Variants in SLC6A20 observed in about 807,000 individuals in gnomAD.
SLC6A20 encodes the protein sodium- and chloride-dependent transporter XTRP3.
A neutral mutation model predicts 64.3 loss-of-function variants in SLC6A20; 73 were observed. The observed-to-expected ratio is 1.14, with a 90% confidence interval of 0.94 to 1.38. SLC6A20 has a LOEUF of 1.38. SLC6A20 is among the 40% of genes most tolerant of loss of function. The probability of loss-of-function intolerance (pLI) is 0.00; values close to 1 mark genes in which losing one functional copy is unlikely to be tolerated. For missense variants in SLC6A20, 725 were observed against 772.8 expected, an observed-to-expected ratio of 0.94 and a Z score of 0.73; for synonymous variants, 347 against 329.6, an observed-to-expected ratio of 1.05 and a Z score of -0.57.
chr3:45,771,444 G>C lies in SLC6A20; in HGVS notation c.708C>G (p.Ala236=). The part of the protein sequence containing the change: ...YMFTPKIEQL[A]NPKAWINAAT... ...CTGCATTGATCCAGGCCTTGGGGTT[G>C]GCCAGCTGCTCTATCTGGAAGGCCA... Residue 236 remains alanine (A), a synonymous_variant, in exon 6 of 11, where the codon GCC becomes GCG. Transcript: ENST00000358525. The C allele has an allele frequency of 6.2e-7, 1 of 1,614,206 alleles. No individual in the cohort carries two copies. The highest frequency in any genetic ancestry group is 8.5e-7 in the Non-Finnish European group (1 of 1,180,036).
chr3:45,782,025 C>A (rs1323355595), intron 2 of SLC6A20, 58 bp downstream of exon 2: 3 of 1,507,980 alleles, frequency 2.0e-6, no homozygotes, highest in East Asian at 2.4e-5. Flanking sequence ...GGATCCCACC[C>A]ACACCCCCAT....
chr3:45,772,977 G>C (rs900177474), intron 4 of SLC6A20, among the ~76,000 whole-genome samples: 21 of 152,110 alleles, frequency 1.4e-4, no homozygotes, highest in African/African-American at 5.1e-4. Flanking sequence ...AATTGCTAAA[G>C]AAATCAGCAT....
At chr3:45,792,887 G>A (rs527743455) in intron 1 of SLC6A20, among the ~76,000 whole-genome samples, 1 of 152,124 alleles carries the variant, frequency 6.6e-6, no homozygotes, top group Non-Finnish European at 1.5e-5. Flanking sequence ...CGGGCCTGGG[G>A]CCACAGAAGC....
At chr3:45,791,894 C>T (rs1036484728) in intron 1 of SLC6A20, among the ~76,000 whole-genome samples, 11 of 152,202 alleles carry the variant, frequency 7.2e-5, no homozygotes, top group Admixed American at 2.0e-4. Context: ...TACAATTTGA[C>T]ATGAGATTTG....
At chr3:45,792,528 C>G (rs1156483739) in intron 1 of SLC6A20, among the ~76,000 whole-genome samples, 2 of 152,192 alleles carry the variant, frequency 1.3e-5, no homozygotes, top group African/African-American at 4.8e-5. Context: ...CTTGGGTGAG[C>G]AGCAGGGGCC....
At chr3:45,787,851 G>A (rs1700195083) in intron 1 of SLC6A20, among the ~76,000 whole-genome samples, 1 of 152,222 alleles carries the variant, frequency 6.6e-6, no homozygotes, top group South Asian at 2.1e-4. Flanking sequence ...TGTTTGTTGA[G>A]TAACTGGCTC....
chr3:45,759,757 C>T, intron 10 of SLC6A20, 100 bp downstream of exon 10: 1 of 1,387,202 alleles, frequency 7.2e-7, no homozygotes, highest in African/African-American at 1.4e-5. Context: ...AATAACCTAC[C>T]CACACCATGG....
At chr3:45,784,867 G>A (rs554490971) in intron 1 of SLC6A20, among the ~76,000 whole-genome samples, 12 of 152,260 alleles carry the variant, frequency 7.9e-5, no homozygotes, top group African/African-American at 2.6e-4. Flanking sequence ...GGCAGGAGGT[G>A]GGAGGGCAAG....
chr3:45,786,173 C>A (rs1024085799), intron 1 of SLC6A20, among the ~76,000 whole-genome samples: 1 of 152,114 alleles, frequency 6.6e-6, no homozygotes, highest in African/African-American at 2.4e-5. Flanking sequence ...TTTCCAAAAA[C>A]AAGAACATTA....
chr3:45,780,365 T>G (rs1375285340), intron 2 of SLC6A20, among the ~76,000 whole-genome samples: 1 of 152,240 alleles, frequency 6.6e-6, no homozygotes, highest in Non-Finnish European at 1.5e-5. Context: ...TGCCAGGCAC[T>G]GTGCTAAATA....
At chr3:45,770,536 A>G (rs1391431091) in intron 6 of SLC6A20, among the ~76,000 whole-genome samples, 165 bp from the exon 7 acceptor site, 1 of 152,184 alleles carries the variant, frequency 6.6e-6, no homozygotes, top group Non-Finnish European at 1.5e-5. Flanking sequence ...GAAGCCTCAG[A>G]TATGAACAGT....
chr3:45,761,375 A>C (rs555754272), intron 9 of SLC6A20, among the ~76,000 whole-genome samples: 25 of 152,056 alleles, frequency 1.6e-4, no homozygotes, highest in Non-Finnish European at 3.1e-4. Flanking sequence ...TCCACCTACG[A>C]CATCTCCAAG....
chr3:45,758,772 G>A lies in SLC6A20; in HGVS notation c.*206C>T. The A allele has an allele frequency of 7.5e-7, 1 of 1,330,234 alleles. No individual in the cohort carries two copies. The highest frequency in any genetic ancestry group is 3.0e-5 in the East Asian group (1 of 33,712). The allele number at this position is 1,330,234 out of a possible 1,614,324, so 82.4% of individuals were successfully genotyped here. A position where few individuals can be genotyped will look rare whatever the true frequency, so the allele number is the denominator to read the frequency against. On this transcript the variant is annotated 3_prime_UTR_variant, in exon 11 of 11. Coordinates refer to ENST00000358525, the MANE Select transcript of SLC6A20 (RefSeq NM_020208.4). ...GCCCACCCCCTTCCATGATGAGGAG[G>A]CAGGTGACAGGGAGGAACAGCCACC...
chr3:45,763,362 T>C (rs1193435031), intron 8 of SLC6A20, among the ~76,000 whole-genome samples: 1 of 152,178 alleles, frequency 6.6e-6, no homozygotes, highest in East Asian at 1.9e-4. Flanking sequence ...CAAGCAGACG[T>C]AGTGGGCACT....
chr3:45,760,492 C>G (rs1206236712), intron 9 of SLC6A20, among the ~76,000 whole-genome samples: 1 of 146,038 alleles, frequency 6.8e-6, no homozygotes, highest in Non-Finnish European at 1.5e-5. Flanking sequence ...ATCACTTGGT[C>G]CATTGAAACC....
chr3:45,777,830 C>A (rs911794651), intron 3 of SLC6A20, among the ~76,000 whole-genome samples: 1 of 152,128 alleles, frequency 6.6e-6, no homozygotes, highest in Non-Finnish European at 1.5e-5. Context: ...TGATGCCAGA[C>A]CGGGCCTGCT....
At position 45,758,379 on chromosome 3, in the gene SLC6A20, C is replaced by G; in HGVS notation, c.*599G>C. 7.9e-7 allele frequency: 1 copy of G among 1,262,088 alleles called. No homozygotes were observed. The highest frequency in any genetic ancestry group is 1.5e-5 in the African/African-American group (1 of 64,578). The allele number at this position is 1,262,088 out of a possible 1,614,324, so 78.2% of individuals were successfully genotyped here. On this transcript the variant is annotated 3_prime_UTR_variant, in exon 11 of 11. Coordinates refer to ENST00000358525, the MANE Select transcript of SLC6A20 (RefSeq NM_020208.4). ...TAGAGAGGTCTGGTCCTGGACCCACCGTCAGAGACCTTAGAGAAAGGATCC... is the reference window on the plus strand; with the variant it reads ...TAGAGAGGTCTGGTCCTGGACCCACGGTCAGAGACCTTAGAGAAAGGATCC...
chr3:45,792,200 C>G (rs1575439120), intron 1 of SLC6A20, among the ~76,000 whole-genome samples: 1 of 152,086 alleles, frequency 6.6e-6, no homozygotes, highest in Non-Finnish European at 1.5e-5. Context: ...GAAGAAGTAC[C>G]CTGAGCCACG....
At chr3:45,781,258 A>G (rs1199009699) in intron 2 of SLC6A20, among the ~76,000 whole-genome samples, 2 of 151,932 alleles carry the variant, frequency 1.3e-5, no homozygotes, top group Non-Finnish European at 2.9e-5. Context: ...CAAGACAAGG[A>G]GGCAGTCTGG....
Sources: allele counts gnomAD v4.1 joint callset (sites outside exome capture counted in the v4.1 genomes callset), GRCh38; gene constraint gnomAD v4.1.1; transcripts MANE v1.5; gene names NCBI Gene and HGNC (gene_info 2026-07-23, HGNC 2026-07-21).